The following KIAA1217 variants were observed in gnomAD, a reference collection of about 807,000 sequenced individuals.
The protein encoded by KIAA1217 is sickle tail protein homolog.
In KIAA1217, 88 loss-of-function variants were observed where a neutral mutation model predicts 163.9. The ratio of observed to expected loss-of-function variants is 0.54; its 90% confidence interval spans 0.45 to 0.64. The LOEUF is 0.64. KIAA1217 is among the 30% of genes least tolerant of loss of function. The pLI is 0.00. For synonymous variants in KIAA1217, 903 were observed against 923.1 expected (o/e 0.98, Z 0.39); for missense variants, 2,372 against 2,475.0 (o/e 0.96, Z 0.88).
At chr10:24,132,217 C>A (rs1406358260) in intron 2 of KIAA1217, among the ~76,000 whole-genome samples, 2 of 152,168 alleles carry the variant, frequency 1.3e-5, no homozygotes, top group Non-Finnish European at 2.9e-5. Context: ...CTCAGTCACA[C>A]AGTCCCACCT....
At position 23,881,050 on chromosome 10, in the gene KIAA1217, G is replaced by A. The variant is rs187441177; in HGVS notation, c.-320-126175G>A. 3.3e-5 allele frequency among the ~76,000 whole-genome samples: 5 copies of A among 151,842 alleles called. No individual in the cohort carries two copies. The East Asian group carries it at 5.9e-4, about 18-fold the overall frequency. On this transcript the variant is annotated intron_variant, in intron 1 of 18. Transcript: ENST00000376462. ...CCTGTGATGTATACTAGCCTGGGGG[G>A]AAAGTGAGGATTTCAGAGGAGAGGA...
chr10:23,990,594 T>C (rs1846177489), intron 1 of KIAA1217, among the ~76,000 whole-genome samples: 1 of 152,200 alleles, frequency 6.6e-6, no homozygotes. Context: ...TTTTCTAAAA[T>C]ATATTTTAGG....
At chr10:23,806,180 T>TG (rs1390857375) in intron 1 of KIAA1217, among the ~76,000 whole-genome samples, 1 of 152,118 alleles carries the variant, frequency 6.6e-6, no homozygotes, top group African/African-American at 2.4e-5. Flanking sequence ...CACATACACT[T>TG]GCACCTGTGT....
At chr10:24,100,859 C>A (rs770803183) in intron 2 of KIAA1217, among the ~76,000 whole-genome samples, 2 of 152,004 alleles carry the variant, frequency 1.3e-5, no homozygotes, top group Non-Finnish European at 2.9e-5. Flanking sequence ...TTTCTATTTT[C>A]CTCATAAAAT....
intron 1 of KIAA1217, among the ~76,000 whole-genome samples, chr10:23,770,690 C>A (rs1834757801): frequency 6.6e-6 from 1 of 152,166 alleles, no homozygotes; most frequent in African/African-American, 2.4e-5. Context: ...TGTAGGTTTT[C>A]TAGCATCTCT....
chr10:24,061,886 A>C (rs2060736501), intron 2 of KIAA1217, among the ~76,000 whole-genome samples: 1 of 152,130 alleles, frequency 6.6e-6, no homozygotes, highest in South Asian at 2.1e-4. Flanking sequence ...TCTTATTGAG[A>C]GTCCTCTGGA....
chr10:23,979,722 C>T (rs1035387180), intron 1 of KIAA1217, among the ~76,000 whole-genome samples: 53 of 152,222 alleles, frequency 3.5e-4, no homozygotes, highest in African/African-American at 1.3e-3. Context: ...CCAATTGATA[C>T]CGTAGTGTGG....
intron 6 of KIAA1217, among the ~76,000 whole-genome samples, chr10:24,490,653 A>C (rs1339405445): frequency 6.6e-6 from 1 of 152,238 alleles, no homozygotes; most frequent in Non-Finnish European, 1.5e-5. Flanking sequence ...CATATGTCAA[A>C]AGAATGGTAT....
intron 1 of KIAA1217, among the ~76,000 whole-genome samples, chr10:23,790,391 G>GCA (rs1835788895): frequency 9.9e-5 from 9 of 90,654 alleles, no homozygotes; most frequent in Non-Finnish European, 1.7e-4. Flanking sequence ...ATATACATAT[G>GCA]TATATATACA....
chr10:24,224,773 A>G (rs1215350487), intron 2 of KIAA1217, among the ~76,000 whole-genome samples: 2 of 152,024 alleles, frequency 1.3e-5, no homozygotes, highest in Non-Finnish European at 1.5e-5. Flanking sequence ...AGTGTCCCAA[A>G]GAAGAGTCTC....
chr10:23,923,680 G>T (rs375656082), intron 1 of KIAA1217, among the ~76,000 whole-genome samples: 1 of 152,122 alleles, frequency 6.6e-6, no homozygotes, highest in South Asian at 2.1e-4. Context: ...CAAGGAAATG[G>T]TTTCTCCCCC....
At chr10:23,704,072 T>C (rs1213977772) in intron 1 of KIAA1217, among the ~76,000 whole-genome samples, 7 of 147,028 alleles carry the variant, frequency 4.8e-5, no homozygotes, top group African/African-American at 7.5e-5. Context: ...TATATATATA[T>C]ACACAATATA....
intron 2 of KIAA1217, among the ~76,000 whole-genome samples, chr10:24,372,932 A>G (rs1420106528): frequency 3.9e-5 from 6 of 152,198 alleles, no homozygotes. Flanking sequence ...ATTTTCCCAA[A>G]TCAAACCAAT....
At chr10:24,011,310 A>G (rs1847227389) in intron 2 of KIAA1217, among the ~76,000 whole-genome samples, 2 of 151,874 alleles carry the variant, frequency 1.3e-5, no homozygotes, top group South Asian at 2.1e-4. Context: ...ACATAGCGAG[A>G]CCCCATCTTT....
At chr10:24,101,952 G>A (rs2062432992) in intron 2 of KIAA1217, among the ~76,000 whole-genome samples, 1 of 152,118 alleles carries the variant, frequency 6.6e-6, no homozygotes, top group Non-Finnish European at 1.5e-5. Context: ...AAATAGTCCA[G>A]AATTAGATAG....
At chr10:24,105,462 G>C (rs1182051283) in intron 2 of KIAA1217, among the ~76,000 whole-genome samples, 1 of 152,170 alleles carries the variant, frequency 6.6e-6, no homozygotes, top group African/African-American at 2.4e-5. Flanking sequence ...TCACAGGCGA[G>C]GATGAAATGT....
At chr10:24,542,040 A>T (rs1001149823) in intron 17 of KIAA1217, among the ~76,000 whole-genome samples, 7 of 152,202 alleles carry the variant, frequency 4.6e-5, no homozygotes, top group African/African-American at 1.4e-4. Context: ...GCACTTCGAC[A>T]CCTGCAGTAC....
intron 2 of KIAA1217, among the ~76,000 whole-genome samples, chr10:24,091,529 C>T (rs1019883617): frequency 6.6e-6 from 1 of 151,742 alleles, no homozygotes; most frequent in Non-Finnish European, 1.5e-5. Flanking sequence ...TAACAAATTG[C>T]CAAACTGTAC....
intron 1 of KIAA1217, among the ~76,000 whole-genome samples, chr10:23,980,269 A>G (rs1001696789): frequency 2.6e-5 from 4 of 152,184 alleles, no homozygotes; most frequent in African/African-American, 9.6e-5. Context: ...GTGTGCTGAC[A>G]GGTTTCAATG....
Sources: gnomAD v4.1 joint callset for allele counts (sites outside exome capture counted in the v4.1 genomes callset) on GRCh38, gnomAD v4.1.1 for gene constraint, MANE v1.5 for transcripts, NCBI Gene and HGNC (gene_info 2026-07-23, HGNC 2026-07-21) for gene names.